TRPM5: variants seen among roughly 807,000 people sequenced by gnomAD.
TRPM5 encodes the protein transient receptor potential cation channel subfamily M member 5.
TRPM5 carries 121 observed loss-of-function variants against 124.9 expected under a neutral mutation model. The observed-to-expected ratio is 0.97, with a 90% CI of 0.84 to 1.13. TRPM5 has a LOEUF of 1.13. TRPM5 is among the 50% of genes most tolerant of loss of function. The pLI, the probability that TRPM5 is intolerant of heterozygous loss-of-function variation, is 0.00. For missense variants in TRPM5, 1,643 were observed against 1,589.1 expected (o/e 1.03, Z -0.58); for synonymous variants, 781 against 700.5 (o/e 1.11, Z -1.81).
chr11:2,413,626 C>T (rs758617299), intron 12 of TRPM5, 38 bp from the exon 18 acceptor site: 4 of 1,581,572 alleles, frequency 2.5e-6, no homozygotes, highest in Non-Finnish European at 3.5e-6. Context: ...CAACTCTGCA[C>T]CTTTGCCCAG....
At chr11:2,414,007 T>TCGGGGGGG in intron 12 of TRPM5, 54 bp downstream of exon 17, 1 of 1,072,596 alleles carries the variant, frequency 9.3e-7, no homozygotes, top group Non-Finnish European at 1.4e-6. Context: ...TGGGCCCAGC[T>TCGGGGGGG]CGCCCGCCCA....
exon 21 of TRPM5, chr11:2,406,698 C>T (rs772143574): frequency 1.2e-6 from 2 of 1,613,266 alleles, no homozygotes; most frequent in East Asian, 2.2e-5. Flanking sequence ...CCCTCGCTGT[C>T]CCTCCTCCGC....
At chr11:2,409,110 C>G (rs1382823904) in intron 18 of TRPM5, among the ~76,000 whole-genome samples, 1 of 152,146 alleles carries the variant, frequency 6.6e-6, no homozygotes, top group East Asian at 1.9e-4. Flanking sequence ...CCTTGTTTCT[C>G]CCGAGTGAGT....
chr11:2,415,767 G>A, intron 8 of TRPM5, 139 bp downstream of exon 13: 1 of 681,004 alleles, frequency 1.5e-6, no homozygotes, highest in Non-Finnish European at 2.5e-6. Context: ...GCAGAACCGT[G>A]GCCTGGTCTT....
chr11:2,404,990 C>CA lies in TRPM5; in HGVS notation c.3444dup (p.Gly1149TrpfsTer151). 6.2e-7 allele frequency: 1 copy of CA among 1,612,794 alleles called. No homozygotes were observed. Among genetic ancestry groups the CA allele is most frequent in the Non-Finnish European group, 8.5e-7 (1 of 1,179,942 alleles). On this transcript the variant is annotated frameshift_variant, in exon 24 of 24. Transcript: ENST00000155858. LOFTEE classifies it low-confidence loss of function (END_TRUNC). Reference sequence around the variant, plus strand: ...CCGGGTTGTTCCCAGCCATCTAAACCACCTCTGTGGTCAGCAGCCACCAGC... The same window carrying CA: ...CCGGGTTGTTCCCAGCCATCTAAACCAACCTCTGTGGTCAGCAGCCACCAGC...
intron 6 of TRPM5, 59 bp downstream of exon 11, chr11:2,418,108 A>T: frequency 6.9e-7 from 1 of 1,443,600 alleles, no homozygotes; most frequent in Non-Finnish European, 9.3e-7. Context: ...ACTCTCCCAG[A>T]GGACCAGCCC....
At chr11:2,428,571 G>A in the TRPM5 span, among the ~76,000 whole-genome samples, 5 of 151,978 alleles carry the variant, frequency 3.3e-5, no homozygotes, top group African/African-American at 4.8e-5. This position sits in a 1 kb window ranked among gnomAD's most constrained non-coding sequence, Gnocchi z 4.0. Context: ...TGATGGTGGC[G>A]GTGGTGGTGA....
chr11:2,410,810 C>T, intron 18 of TRPM5: 1 of 390,620 alleles, frequency 2.6e-6, no homozygotes, highest in Non-Finnish European at 5.0e-6. Context: ...GCCAGGGTGC[C>T]TTTAGGAGCG....
At chr11:2,407,629 A>T in intron 19 of TRPM5, 130 bp downstream of exon 24, 2 of 1,238,206 alleles carry the variant, frequency 1.6e-6, no homozygotes, top group Non-Finnish European at 2.3e-6. Context: ...GCCACCTTCT[A>T]TCTGCCCTGA....
chr11:2,435,649 ATCTG>A, the TRPM5 span, among the ~76,000 whole-genome samples: 4 of 151,336 alleles, frequency 2.6e-5, no homozygotes, highest in Non-Finnish European at 5.9e-5. This position sits in a 1 kb window ranked among gnomAD's most constrained non-coding sequence, Gnocchi z 4.1. Flanking sequence ...CCATGCATCC[ATCTG>A]TCTGTTCATC....
the TRPM5 span, among the ~76,000 whole-genome samples, chr11:2,431,479 C>T: frequency 2.0e-5 from 3 of 152,256 alleles, no homozygotes; most frequent in East Asian, 5.8e-4. Context: ...CACAGTCCTT[C>T]CTCTATCCTG....
exon 9 of TRPM5, chr11:2,415,164 C>T (rs1361077536): frequency 5.1e-6 from 8 of 1,580,924 alleles, no homozygotes; most frequent in Middle Eastern, 1.7e-4. Flanking sequence ...GTAGAAGCCT[C>T]GGCAGGCGTC....
At chr11:2,407,992 GC>G in intron 18 of TRPM5, 80 bp from the exon 24 acceptor site, 1 of 1,544,244 alleles carries the variant, frequency 6.5e-7, no homozygotes, top group Non-Finnish European at 8.8e-7. Flanking sequence ...GAGATAGAGC[GC>G]TGAGTCCTGG....
Position 2,411,910 on chromosome 11 carries a change from T to G in TRPM5, c.2475-143A>C, listed in dbSNP as rs963153673. On this transcript the variant is annotated intron_variant, in intron 16 of 23. Coordinates refer to ENST00000155858, the Ensembl canonical transcript of TRPM5. Reference sequence around the variant, plus strand: ...CTGAGTGGCTTCATCTTTTGTTTATTTATTTTTAAGAGACAGGGTCTTGCT... The same window carrying G: ...CTGAGTGGCTTCATCTTTTGTTTATGTATTTTTAAGAGACAGGGTCTTGCT... 26 of 1,113,054 alleles carry G rather than the reference T, an allele frequency of 2.3e-5. No homozygotes were observed. The African/African-American group carries it at 3.8e-4, about 16-fold the overall frequency. 68.9% of individuals were successfully genotyped at this position (1,113,054 alleles called of 1,614,324 possible).
In TRPM5 at chr11:2,415,394, G is replaced by A. The variant is rs114504837; in HGVS notation, c.1206C>T (p.Asn402=). ...TCAGGAAGTCGGCCACGTCTGCGCCGTTGTCCACAAAGAGGCGCACAAACT... is the reference window on the plus strand; with the variant it reads ...TCAGGAAGTCGGCCACGTCTGCGCCATTGTCCACAAAGAGGCGCACAAACT... Residue 402 remains asparagine, a synonymous_variant, in exon 9 of 24, where the codon AAC becomes AAT. Transcript: ENST00000155858. 2,612 of 1,592,352 alleles carry A rather than the reference G, an allele frequency of 1.6e-3. 5 individuals are homozygous for A. The highest frequency in any genetic ancestry group is 3.0e-3 in the African/African-American group (228 of 74,818).
In TRPM5 at chr11:2,406,651, G is replaced by A. The variant is rs1284399346; in HGVS notation, c.3251+10C>T. 6.2e-7 allele frequency: 1 copy of A among 1,601,202 alleles called. No homozygotes were observed. The highest frequency in any genetic ancestry group is 8.5e-7 in the Non-Finnish European group (1 of 1,173,626). ...CGATACCCACCAGTGATCAGGACAG[G>A]CCCCCGCACCTGTGGGCGGTTTTCC... On this transcript the variant is annotated intron_variant, in intron 21 of 23. Coordinates refer to ENST00000155858, the Ensembl canonical transcript of TRPM5.
chr11:2,414,118 G>A, exon 12 of TRPM5: 1 of 1,602,264 alleles, frequency 6.2e-7, no homozygotes, highest in African/African-American at 1.3e-5. Context: ...CCAGGTGCAG[G>A]CAGGTGGTCT....
chr11:2,427,934 C>G (rs1156609491), upstream of TRPM5, among the ~76,000 whole-genome samples: 1 of 152,176 alleles, frequency 6.6e-6, no homozygotes, highest in African/African-American at 2.4e-5. Flanking sequence ...GCATCGGCCC[C>G]CATGGTGTCT....
chr11:2,407,331 C>T (rs201364238), intron 19 of TRPM5, 31 bp from the exon 25 acceptor site: 40 of 1,585,602 alleles, frequency 2.5e-5, no homozygotes, highest in East Asian at 2.0e-4. Flanking sequence ...CGTCACCTAC[C>T]GGCTCCCCAC....
Sources: allele counts gnomAD v4.1 joint callset (sites outside exome capture counted in the v4.1 genomes callset), GRCh38; gene constraint gnomAD v4.1.1; non-coding constraint Gnocchi (gnomAD v3.1); transcripts MANE v1.5; gene names NCBI Gene and HGNC (gene_info 2026-07-23, HGNC 2026-07-21).